Variants in SMIM7 observed in about 807,000 individuals in gnomAD.
SMIM7 encodes the protein small integral membrane protein 7.
Under a neutral mutation model 13.3 loss-of-function variants are expected in SMIM7, and 12 were observed. The ratio of observed to expected loss-of-function variants is 0.90; its 90% CI spans 0.58 to 1.46. The LOEUF is 1.46. Among genes scored for constraint, SMIM7 ranks in the 40% most tolerant of loss-of-function variants. SMIM7 has a pLI of 0.00. For synonymous variants in SMIM7, 36 were observed against 35.8 expected, an observed-to-expected ratio of 1.01 and a Z score of -0.02; for missense variants, 114 against 94.8, an observed-to-expected ratio of 1.20 and a Z score of -0.84.
At position 16,653,874 on chromosome 19, in the gene SMIM7, G is replaced by C. The variant is rs2086561726; in HGVS notation, c.212+161C>G. ...CGCACCACTGCACTCCAGTTTAGGC[G>C]ACAGAGCAAGATTCCATCTCAAACA... On this transcript the variant is annotated intron_variant, in intron 4 of 4. Transcript: ENST00000487416. The C allele has an allele frequency of 4.7e-6, 3 of 644,662 alleles. No homozygotes were observed. The Admixed American group carries it at 9.3e-5, about 20-fold the overall frequency. 39.9% of individuals were successfully genotyped at this position (644,662 alleles called of 1,614,324 possible). A position where few individuals can be genotyped will look rare whatever the true frequency, so the allele number is the denominator to read the frequency against.
At chr19:16,659,290 A>G (rs1399426079) in intron 3 of SMIM7, 105 bp downstream of exon 3, 1 of 1,040,742 alleles carries the variant, frequency 9.6e-7, no homozygotes, top group Non-Finnish European at 1.4e-6. Context: ...GTCAAAAAAA[A>G]AAAAAAAAAA....
chr19:16,659,618 A>G, intron 2 of SMIM7, 171 bp from the exon 3 acceptor site: 1 of 714,042 alleles, frequency 1.4e-6, no homozygotes, highest in South Asian at 1.7e-5. Context: ...CTGCCCGGAC[A>G]ATCACAGCCA....
At chr19:16,655,296 G>T (rs143053671) in intron 3 of SMIM7, 12 of 456,056 alleles carry the variant, frequency 2.6e-5, no homozygotes, top group African/African-American at 2.0e-4. Flanking sequence ...AATTTAGTAC[G>T]TGAAGACTCC....
chr19:16,656,696 C>T (rs1045604637), intron 3 of SMIM7, among the ~76,000 whole-genome samples: 6 of 151,896 alleles, frequency 4.0e-5, no homozygotes, highest in African/African-American at 9.7e-5. Context: ...GTCAGGAGTT[C>T]GAGACCAGCC....
At chr19:16,647,318 A>T in intron 4 of SMIM7, 57 bp from the exon 5 acceptor site, 9 of 1,602,464 alleles carry the variant, frequency 5.6e-6, no homozygotes, top group Non-Finnish European at 7.7e-6. Flanking sequence ...TGTTCTAAAA[A>T]TATTGTCAGC....
chr19:16,655,256 C>T (rs780561670), intron 3 of SMIM7: 21 of 451,582 alleles, frequency 4.7e-5, no homozygotes, highest in Non-Finnish European at 7.6e-5. Context: ...CCTTGAATGC[C>T]AAGGAACAGA....
intron 4 of SMIM7, chr19:16,652,486 G>T: frequency 1.0e-6 from 1 of 991,720 alleles, no homozygotes; most frequent in Non-Finnish European, 1.2e-6. Context: ...ACAGGCCTGA[G>T]CCACTGCCCC....
intron 3 of SMIM7, among the ~76,000 whole-genome samples, chr19:16,657,975 C>T (rs902234380): frequency 1.3e-5 from 2 of 152,216 alleles, no homozygotes; most frequent in Non-Finnish European, 1.5e-5. Context: ...CTCAAGGCTG[C>T]AGTGAGCTAT....
chr19:16,659,886 C>A (rs1448536759), intron 2 of SMIM7, 73 bp downstream of exon 2: 3 of 1,537,848 alleles, frequency 2.0e-6, no homozygotes, highest in East Asian at 4.9e-5. Context: ...GAGAAGTGCG[C>A]CGAGATCACG....
At chr19:16,657,033 T>A (rs2086604951) in intron 3 of SMIM7, among the ~76,000 whole-genome samples, 1 of 152,232 alleles carries the variant, frequency 6.6e-6, no homozygotes, top group Non-Finnish European at 1.5e-5. Context: ...ACAGGTGACC[T>A]GGTGACCTGG....
At chr19:16,648,175 C>G (rs1416527396) in intron 4 of SMIM7, among the ~76,000 whole-genome samples, 2 of 152,078 alleles carry the variant, frequency 1.3e-5, no homozygotes, top group Admixed American at 6.6e-5. Context: ...GACTCTCACT[C>G]TGTTGCTCAG....
At chr19:16,651,838 A>G (rs896445804) in intron 4 of SMIM7, among the ~76,000 whole-genome samples, 1 of 140,158 alleles carries the variant, frequency 7.1e-6, no homozygotes, top group Non-Finnish European at 1.5e-5. Flanking sequence ...TCCCTGCCCC[A>G]GGACCTTTGC....
chr19:16,651,117 G>A (rs1193878474), intron 4 of SMIM7, among the ~76,000 whole-genome samples: 1 of 152,160 alleles, frequency 6.6e-6, no homozygotes, highest in African/African-American at 2.4e-5. Context: ...AATATCCTGG[G>A]AAAGCCAGTC....
At chr19:16,652,474 T>C in intron 4 of SMIM7, 1 of 948,928 alleles carries the variant, frequency 1.1e-6, no homozygotes, top group South Asian at 4.3e-5. Context: ...AGTACTGGGA[T>C]TACAGGCCTG....
At chr19:16,630,980 C>T (rs1234092302) in exon 5 of SMIM7, 3 of 152,028 alleles carry the variant, frequency 2.0e-5, no homozygotes, top group Non-Finnish European at 2.9e-5. Flanking sequence ...TGTGATGGTT[C>T]GTCCTCAATG....
downstream of SMIM7, chr19:16,641,591 C>G (rs1363129993): frequency 6.6e-6 from 1 of 152,122 alleles, no homozygotes; most frequent in African/African-American, 2.4e-5. Context: ...AGCCACTGTG[C>G]CCGGTCCCAG....
chr19:16,655,655 T>C (rs947294226), intron 3 of SMIM7, among the ~76,000 whole-genome samples: 1 of 119,430 alleles, frequency 8.4e-6, no homozygotes, highest in African/African-American at 3.5e-5. Context: ...CACTCCAGCC[T>C]GGGTGACACA....
intron 3 of SMIM7, 175 bp downstream of exon 3, chr19:16,659,220 C>T: frequency 3.0e-6 from 2 of 677,682 alleles, no homozygotes; most frequent in Non-Finnish European, 5.2e-6. Context: ...GAGGTCGAGT[C>T]TGCAGTGAGC....
intron 4 of SMIM7, among the ~76,000 whole-genome samples, chr19:16,650,985 T>C (rs1342160503): frequency 3.3e-5 from 5 of 152,184 alleles, no homozygotes; most frequent in African/African-American, 1.2e-4. Flanking sequence ...CATTTCCCCA[T>C]GCAGACAGAA....
Sources: allele counts gnomAD v4.1 joint callset (sites outside exome capture counted in the v4.1 genomes callset), GRCh38; gene constraint gnomAD v4.1.1; transcripts MANE v1.5; gene names NCBI Gene and HGNC (gene_info 2026-07-23, HGNC 2026-07-21).